The following ARID1B variants were observed in gnomAD, a reference collection of about 807,000 sequenced individuals.
ARID1B encodes AT-rich interactive domain-containing protein 1B.
A neutral mutation model predicts 212.3 loss-of-function variants in ARID1B; 30 were observed. That is an observed-to-expected ratio of 0.14 (90% CI 0.11 to 0.19). The LOEUF is 0.19. Among genes scored for constraint, ARID1B ranks in the 10% least tolerant of loss-of-function variants. The pLI is 1.00. For synonymous variants in ARID1B, 1,402 were observed against 1,301.7 expected (o/e 1.08, Z -1.66); for missense variants, 2,891 against 3,204.0 (o/e 0.90, Z 2.36).
chr6:157,196,201 A>G lies in ARID1B; in HGVS notation c.4268A>G (p.Gln1423Arg), dbSNP rs2128356352. Residue 1423 changes from glutamine (Q) to arginine (R), a missense_variant, in exon 16 of 20, where the codon CAG becomes CGG. Transcript: ENST00000636930. ...AGCGAGCCCTTTATGACGCAAGGAC[A>G]GATGCCCAACAGCAGCATGCAGGAC... is the stretch of plus-strand genomic sequence containing the variant. The part of the protein sequence containing the change: ...GSSEPFMTQG[Q>R]MPNSSMQDMY... 6.2e-7 allele frequency: 1 copy of G among 1,613,600 alleles called. No individual in the cohort carries two copies. The highest frequency in any genetic ancestry group is 8.5e-7 in the Non-Finnish European group (1 of 1,179,898).
chr6:157,187,109 A>G (rs1259773564), intron 13 of ARID1B, among the ~76,000 whole-genome samples: 1 of 152,200 alleles, frequency 6.6e-6, no homozygotes, highest in Non-Finnish European at 1.5e-5. Context: ...TGTGTCTTTA[A>G]GGTGCCAGTG....
chr6:157,117,815 G>A (rs1295201089), intron 6 of ARID1B, among the ~76,000 whole-genome samples: 1 of 152,216 alleles, frequency 6.6e-6, no homozygotes, highest in Admixed American at 6.5e-5. Flanking sequence ...CTCACTGTTA[G>A]TATTTTGAGC....
At chr6:157,170,356 G>C (rs1791635741) in intron 9 of ARID1B, 1 of 152,110 alleles carries the variant, frequency 6.6e-6, no homozygotes, top group Non-Finnish European at 1.5e-5. Flanking sequence ...TTCTGTCTTG[G>C]GACTTCAGGG....
rs760519134 is a variant in ARID1B, at chr6:157,094,417, C to T, written c.2491+9512C>T. Among the ~76,000 whole-genome samples the T allele has an allele frequency of 1.3e-5, 2 of 152,022 alleles. No individual in the cohort carries two copies. The highest frequency in any genetic ancestry group is 2.9e-5 in the Non-Finnish European group (2 of 67,990). On this transcript the variant is annotated intron_variant, in intron 5 of 19. Coordinates refer to ENST00000636930, the MANE Select transcript of ARID1B (RefSeq NM_001374828.1). This position sits in a 1 kb window ranked among gnomAD's most constrained non-coding sequence, Gnocchi z 4.3. ...TCTTCCAGGCTAGAGTACAGTGGCACGATCTCCACTCACTACAACCTCTAC... is the reference window on the plus strand; with the variant it reads ...TCTTCCAGGCTAGAGTACAGTGGCATGATCTCCACTCACTACAACCTCTAC...
chr6:157,007,555 G>A (rs367744576), intron 4 of ARID1B, among the ~76,000 whole-genome samples: 26 of 152,172 alleles, frequency 1.7e-4, no homozygotes, highest in African/African-American at 4.1e-4. Flanking sequence ...TAGACACAGC[G>A]GGAAGGATGA....
At chr6:156,781,753 C>A (rs1300344370) in intron 1 of ARID1B, among the ~76,000 whole-genome samples, 1 of 152,012 alleles carries the variant, frequency 6.6e-6, no homozygotes, top group African/African-American at 2.4e-5. Context: ...TGGAAATAAA[C>A]CCACGTAATT....
chr6:156,784,576 C>T (rs897634713), intron 1 of ARID1B, among the ~76,000 whole-genome samples: 1 of 152,170 alleles, frequency 6.6e-6, no homozygotes, highest in African/African-American at 2.4e-5. Context: ...TTTCCTTATA[C>T]TGACATCTGA....
intron 1 of ARID1B, among the ~76,000 whole-genome samples, chr6:156,820,271 A>G (rs1019268888): frequency 2.0e-5 from 3 of 152,032 alleles, no homozygotes; most frequent in African/African-American, 7.3e-5. Flanking sequence ...TACCTCTTTT[A>G]TCTAGTGGTC....
At chr6:157,000,718 A>G (rs1351789531) in intron 4 of ARID1B, among the ~76,000 whole-genome samples, 1 of 37,800 alleles carries the variant, frequency 2.6e-5, no homozygotes, top group African/African-American at 9.0e-5. Flanking sequence ...TTTTTTTTTG[A>G]GACAGAGTCT....
chr6:156,951,886 G>C (rs889997480), intron 4 of ARID1B, among the ~76,000 whole-genome samples: 1 of 152,082 alleles, frequency 6.6e-6, no homozygotes, highest in Non-Finnish European at 1.5e-5. Flanking sequence ...CTAAAAAAGT[G>C]GTTTCATGTT....
At position 157,200,442 on chromosome 6, in the gene ARID1B, T is replaced by C. The variant is rs190008875; in HGVS notation, c.4480-263T>C. On this transcript the variant is annotated intron_variant, in intron 17 of 19. Transcript: ENST00000636930. The surrounding 1 kb of genome is among the most constrained non-coding windows in gnomAD (Gnocchi z 4.3). ...CGCTGGCTGTCCCGGTGGCACAGCC[T>C]AAGGAGAGGAGGCTTTTTTTTTTCC... Among the ~76,000 whole-genome samples, 10 of 151,506 alleles carry C rather than the reference T, an allele frequency of 6.6e-5. No individual in the cohort carries two copies. Among genetic ancestry groups the C allele is most frequent in the East Asian group, 5.8e-4 (3 of 5,158 alleles).
chr6:156,843,426 T>C (rs1210209384), intron 2 of ARID1B, among the ~76,000 whole-genome samples: 1 of 152,212 alleles, frequency 6.6e-6, no homozygotes, highest in Non-Finnish European at 1.5e-5. Context: ...AGTCCTGTAC[T>C]AGTCATGGGG....
intron 4 of ARID1B, among the ~76,000 whole-genome samples, chr6:156,953,155 C>G (rs1437411756): frequency 6.6e-6 from 1 of 152,198 alleles, no homozygotes; most frequent in East Asian, 1.9e-4. Flanking sequence ...GTGTTTTCCC[C>G]TTCACAGGGC....
intron 2 of ARID1B, among the ~76,000 whole-genome samples, chr6:156,844,341 G>A (rs1436779428): frequency 4.6e-5 from 7 of 152,210 alleles, no homozygotes; most frequent in Non-Finnish European, 1.0e-4. Context: ...TTCCTACTCT[G>A]TCTGTGTATC....
intron 4 of ARID1B, among the ~76,000 whole-genome samples, chr6:156,959,554 G>T (rs1055780611): frequency 7.7e-6 from 1 of 129,396 alleles, no homozygotes; most frequent in Non-Finnish European, 1.6e-5. Context: ...GTTACAGTGT[G>T]TAGGGTTTTG....
rs1163675358 is a variant in ARID1B, at chr6:156,901,470, C to T, written c.2081C>T (p.Pro694Leu). The T allele has an allele frequency of 1.5e-5, 24 of 1,613,988 alleles. 1 individual carries two copies. In the Admixed American group the frequency reaches 3.7e-4, roughly 25 times the overall value. ...CAGCAGCCGCAGCCCCCGCACCTCC[C>T]ACCCCAGGCGCAGTATCTGCCGTCC... ...YSQQPQPPHL[P>L]PQAQYLPSQS... Residue 694 changes from proline (P) to leucine (L), a missense_variant, in exon 3 of 20, where the codon CCA (proline) becomes CTA (leucine). Transcript: ENST00000636930.
chr6:156,815,252 T>C (rs919288353), intron 1 of ARID1B, among the ~76,000 whole-genome samples: 2 of 152,212 alleles, frequency 1.3e-5, no homozygotes, highest in Admixed American at 6.5e-5. Flanking sequence ...GTGTATATTT[T>C]GTAACGTAGG....
intron 13 of ARID1B, among the ~76,000 whole-genome samples, chr6:157,187,513 G>A (rs552501858): frequency 2.0e-5 from 3 of 152,222 alleles, no homozygotes; most frequent in African/African-American, 7.2e-5. Context: ...ACCCTACTTC[G>A]CTCAACCCCG....
intron 4 of ARID1B, among the ~76,000 whole-genome samples, chr6:156,954,770 T>G (rs1006994182): frequency 4.6e-5 from 7 of 152,236 alleles, no homozygotes; most frequent in Non-Finnish European, 1.0e-4. Flanking sequence ...TGAAGATAGT[T>G]TTCATTTACT....
Sources: allele counts gnomAD v4.1 joint callset (sites outside exome capture counted in the v4.1 genomes callset), GRCh38; gene constraint gnomAD v4.1.1; non-coding constraint Gnocchi (gnomAD v3.1); transcripts MANE v1.5; gene names NCBI Gene and HGNC (gene_info 2026-07-23, HGNC 2026-07-21).